Variants in EMSY observed in about 807,000 individuals in gnomAD.
EMSY encodes the protein BRCA2-interacting transcriptional repressor EMSY.
In EMSY, 26 loss-of-function variants were observed where a neutral mutation model predicts 134.6. The observed-to-expected ratio is 0.19, with a 90% CI of 0.14 to 0.27. The LOEUF (loss-of-function observed/expected upper bound fraction) is 0.27, where lower values mean the gene tolerates loss of function less well. Ranked by LOEUF, EMSY falls within the 10% of genes least tolerant of loss-of-function variation. The pLI is 1.00. For synonymous variants in EMSY, 579 were observed against 577.8 expected (o/e 1.00, Z -0.03); for missense variants, 1,305 against 1,611.4 (o/e 0.81, Z 3.26).
chr11:76,478,331 A>G (rs1948844221), intron 8 of EMSY, among the ~76,000 whole-genome samples: 1 of 148,950 alleles, frequency 6.7e-6, no homozygotes, highest in Admixed American at 6.8e-5. Flanking sequence ...CTTTTTACCC[A>G]TGTGAATAAT....
chr11:76,451,695 A>G (rs1947676172), intron 2 of EMSY, among the ~76,000 whole-genome samples, 163 bp from the exon 3 acceptor site: 1 of 152,218 alleles, frequency 6.6e-6, no homozygotes, highest in African/African-American at 2.4e-5. Context: ...ATAAAATTAT[A>G]AAAGTCACAT....
At chr11:76,520,146 A>G (rs1040216605) in intron 11 of EMSY, among the ~76,000 whole-genome samples, 1 of 152,106 alleles carries the variant, frequency 6.6e-6, no homozygotes, top group East Asian at 1.9e-4. Context: ...TTTATAATTG[A>G]TCATTCTATC....
At chr11:76,462,442 A>G (rs190407053) in intron 6 of EMSY, among the ~76,000 whole-genome samples, 2 of 152,364 alleles carry the variant, frequency 1.3e-5, no homozygotes, top group African/African-American at 4.8e-5. Context: ...GAAACAAACC[A>G]ATAAGACTTA....
intron 8 of EMSY, among the ~76,000 whole-genome samples, chr11:76,490,348 C>G (rs2135682986): frequency 6.6e-6 from 1 of 152,250 alleles, no homozygotes; most frequent in East Asian, 1.9e-4. Flanking sequence ...TGACTATCCA[C>G]TAGGTGCCAG....
At chr11:76,458,031 A>G in intron 4 of EMSY, 152 bp from the exon 6 acceptor site, 1 of 538,426 alleles carries the variant, frequency 1.9e-6, no homozygotes, top group South Asian at 3.7e-5. Context: ...ATAATTATTC[A>G]TAATTTTGAT....
At chr11:76,546,263 A>C in exon 20 of EMSY, 1 of 1,613,546 alleles carries the variant, frequency 6.2e-7, no homozygotes, top group East Asian at 2.2e-5. Context: ...GGCCAAAAGA[A>C]AGCTGAAGAG....
At chr11:76,447,214 A>G (rs1211476219) in intron 2 of EMSY, among the ~76,000 whole-genome samples, 1 of 152,252 alleles carries the variant, frequency 6.6e-6, no homozygotes, top group African/African-American at 2.4e-5. Flanking sequence ...TAATAATACT[A>G]GTAGCTAAGA....
intron 19 of EMSY, among the ~76,000 whole-genome samples, chr11:76,545,229 C>G (rs537593563): frequency 7.2e-5 from 11 of 152,068 alleles, no homozygotes; most frequent in Admixed American, 6.5e-4. Flanking sequence ...GAACATCTTT[C>G]TTTGTAGTTT....
At chr11:76,482,665 A>T (rs934739746) in intron 8 of EMSY, among the ~76,000 whole-genome samples, 2 of 152,218 alleles carry the variant, frequency 1.3e-5, no homozygotes, top group Non-Finnish European at 2.9e-5. Context: ...TTGAAGATCA[A>T]CGTAATGAAA....
intron 9 of EMSY, chr11:76,496,706 A>T: frequency 1.8e-6 from 1 of 558,474 alleles, no homozygotes; most frequent in South Asian, 1.8e-5. Flanking sequence ...CAATGTCTAC[A>T]TGTTTTTTGT....
chr11:76,489,330 T>C (rs1484440597), intron 8 of EMSY, among the ~76,000 whole-genome samples: 1 of 151,648 alleles, frequency 6.6e-6, no homozygotes, highest in Admixed American at 6.6e-5. Flanking sequence ...TTTTTTTTTT[T>C]TTGGTCTACT....
intron 17 of EMSY, 80 bp downstream of exon 18, chr11:76,539,720 C>T (rs1018359891): frequency 3.8e-6 from 5 of 1,327,298 alleles, no homozygotes; most frequent in Non-Finnish European, 5.4e-6. Context: ...AATGGATGCG[C>T]TCTACTCTCA....
At chr11:76,479,856 A>C (rs1948901823) in intron 8 of EMSY, among the ~76,000 whole-genome samples, 1 of 152,250 alleles carries the variant, frequency 6.6e-6, no homozygotes, top group Non-Finnish European at 1.5e-5. Flanking sequence ...ACGTATTGAA[A>C]AAGTGGATCC....
At chr11:76,445,455 G>A (rs955065163) in intron 1 of EMSY, among the ~76,000 whole-genome samples, 1 of 152,206 alleles carries the variant, frequency 6.6e-6, no homozygotes, top group African/African-American at 2.4e-5. Context: ...AACAGCTACT[G>A]GCCCAGAGGG....
At chr11:76,504,744 G>A (rs751296490) in intron 9 of EMSY, among the ~76,000 whole-genome samples, 3 of 152,132 alleles carry the variant, frequency 2.0e-5, no homozygotes, top group Admixed American at 6.5e-5. Context: ...AGCATTATTC[G>A]TAATAGCCAA....
chr11:76,506,466 C>A (rs1231608264), intron 9 of EMSY, among the ~76,000 whole-genome samples: 1 of 152,134 alleles, frequency 6.6e-6, no homozygotes, highest in Non-Finnish European at 1.5e-5. Context: ...GGAAAAAAAT[C>A]TGCAAATCAT....
chr11:76,460,008 CGGTTA>C lies in EMSY; in HGVS notation c.495_499del (p.Lys167SerfsTer29). ...CCTGTTCCAAGTGGCAGCATAGCAA[CGGTTA>C]AGTCTCCAAGACCTGCCAGTCCTGC... On this transcript the variant is annotated frameshift_variant, in exon 6 of 21. Transcript: ENST00000334736. LOFTEE classifies it high-confidence loss of function. 1 of 1,614,126 alleles carries C rather than the reference CGGTTA, an allele frequency of 6.2e-7. No homozygotes were observed. The highest frequency in any genetic ancestry group is 8.5e-7 in the Non-Finnish European group (1 of 1,179,980).
At chr11:76,545,372 A>G (rs1951605277) in intron 19 of EMSY, among the ~76,000 whole-genome samples, 1 of 152,122 alleles carries the variant, frequency 6.6e-6, no homozygotes. Context: ...ATGTATGTAT[A>G]TATTATAAAT....
At chr11:76,549,977 G>C (rs1951789684) in exon 21 of EMSY, 2 of 1,609,820 alleles carry the variant, frequency 1.2e-6, no homozygotes, top group African/African-American at 1.4e-5. Context: ...GCTATTCCTT[G>C]TCACTCCAGC....
Sources: allele counts gnomAD v4.1 joint callset (sites outside exome capture counted in the v4.1 genomes callset), GRCh38; gene constraint gnomAD v4.1.1; transcripts MANE v1.5; gene names NCBI Gene and HGNC (gene_info 2026-07-23, HGNC 2026-07-21).